Variants in BSG observed in about 807,000 individuals in gnomAD.
The protein encoded by BSG is basigin (Ok blood group).
In BSG, 37 loss-of-function variants were observed where a neutral mutation model predicts 43.1. That is an observed-to-expected ratio of 0.86 (90% confidence interval 0.66 to 1.13). BSG has a LOEUF of 1.13. Ranked by LOEUF, BSG falls within the 50% of genes most tolerant of loss-of-function variation. BSG has a pLI of 0.00. For missense variants in BSG, 599 were observed against 554.2 expected (o/e 1.08, Z -0.81); for synonymous variants, 309 against 238.7 (o/e 1.29, Z -2.72).
At chr19:574,407 G>C (rs912547808) in intron 1 of BSG, among the ~76,000 whole-genome samples, 2 of 152,158 alleles carry the variant, frequency 1.3e-5, no homozygotes, top group African/African-American at 4.8e-5. Flanking sequence ...CAAAAAATTA[G>C]CCTGGCGTGG....
Position 581,332 on chromosome 19 carries a change from C to G in BSG, c.810C>G (p.Ser270=), listed in dbSNP as rs183571823. The G allele has an allele frequency of 8.6e-4, 1,379 of 1,612,426 alleles. 23 individuals are homozygous for G. In the South Asian group the frequency reaches 0.014, roughly 17 times the overall value. ...DSEDKALMNG[S]ESRFFVSSSQ... is the part of the protein sequence containing the mutation. ...TCCCCTAGGCCCTCATGAACGGCTC[C>G]GAGAGCAGGTTCTTCGTGAGTTCCT... The change falls in exon 6 of 9, where the codon TCC becomes TCG. Residue 270 remains serine, a synonymous_variant. Transcript: ENST00000333511.
intron 5 of BSG, 53 bp from the exon 6 acceptor site, chr19:581,262 T>G: frequency 6.4e-7 from 1 of 1,561,692 alleles, no homozygotes; most frequent in Non-Finnish European, 8.7e-7. Flanking sequence ...CAGGACTGGG[T>G]GAGGGGCCTA....
intron 7 of BSG, 42 bp downstream of exon 7, chr19:582,372 C>T: frequency 3.8e-6 from 6 of 1,596,562 alleles, no homozygotes; most frequent in Non-Finnish European, 5.1e-6. Context: ...AAGGAGCGGC[C>T]TGCTGCCCCA....
At chr19:571,469 T>TC, upstream of BSG, 1 of 774,392 alleles carries the variant, frequency 1.3e-6, no homozygotes, top group East Asian at 2.4e-5. Context: ...CAAGGGTCCT[T>TC]CCTACCCGCG....
chr19:581,786 G>T (rs376756373), intron 6 of BSG, among the ~76,000 whole-genome samples, 195 bp downstream of exon 6: 1 of 152,368 alleles, frequency 6.6e-6, no homozygotes, highest in South Asian at 2.1e-4. Flanking sequence ...AGTGGGCAGC[G>T]GGACCCCGGG....
rs150632995 is a variant in BSG, at chr19:581,549, T to G, written c.1027T>G (p.Phe343Val). The G allele has an allele frequency of 1.9e-6, 3 of 1,599,750 alleles. No individual in the cohort carries two copies. Among genetic ancestry groups the G allele is most frequent in the African/African-American group, 1.3e-5 (1 of 74,754 alleles). The change falls in exon 6 of 9, where the codon TTC (phenylalanine) becomes GTC (valine). Residue 343 changes from phenylalanine to valine, a missense_variant. Physicochemically the swap from Phe to Val is conservative, Grantham distance 50. Coordinates refer to ENST00000333511, the MANE Select transcript of BSG (RefSeq NM_001728.4). ...GGTGCTGGTGCTGGTCACCATCATC[T>G]TCATCTACGAGAAGCGCCGGAAGCC... Reference protein sequence around the residue: ...AEVLVLVTIIFIYEKRRKPED... With the variant: ...AEVLVLVTIIVIYEKRRKPED...
At chr19:579,687 TG>T in intron 3 of BSG, 31 bp downstream of exon 3, 1 of 1,579,510 alleles carries the variant, frequency 6.3e-7, no homozygotes, top group Non-Finnish European at 8.6e-7. Flanking sequence ...TGCCGCCACC[TG>T]CCCCTTCTCA....
chr19:577,250 C>T (rs1981858913), intron 1 of BSG, among the ~76,000 whole-genome samples: 1 of 86,600 alleles, frequency 1.2e-5, no homozygotes. Context: ...AAATCCGCCT[C>T]TCTCTGGGTC....
chr19:576,466 A>C (rs72972182), intron 1 of BSG, among the ~76,000 whole-genome samples: 8,809 of 152,264 alleles, frequency 0.058, 398 homozygotes, highest in Admixed American at 0.13. Context: ...TCCCTTTGTG[A>C]AAATGGCACT....
chr19:578,769 G>T, intron 2 of BSG: 1 of 289,526 alleles, frequency 3.5e-6, no homozygotes, highest in Non-Finnish European at 6.8e-6. Context: ...GAGTCTTGCT[G>T]TTCCCAGGTG....
At chr19:582,166 G>C in intron 6 of BSG, 140 bp from the exon 7 acceptor site, 1 of 1,086,058 alleles carries the variant, frequency 9.2e-7, no homozygotes, top group Non-Finnish European at 1.3e-6. Context: ...GGCCGGGGCT[G>C]ATGAGCTGCC....
chr19:579,844 C>T, intron 3 of BSG, 188 bp downstream of exon 3: 1 of 847,828 alleles, frequency 1.2e-6, no homozygotes, highest in South Asian at 2.0e-5. Context: ...CCTTGTGAGG[C>T]AGGGGGCTCC....
intron 1 of BSG, among the ~76,000 whole-genome samples, chr19:576,148 G>C (rs529166895): frequency 6.6e-6 from 1 of 152,254 alleles, no homozygotes; most frequent in Non-Finnish European, 1.5e-5. Flanking sequence ...GCTGGGGGCA[G>C]CTCGGCTGCG....
rs1385839426 is a variant in BSG, at chr19:572,607, G to A, written c.-28G>A. ...CGGGCGGCGGCGGCAGCGGTTGGAGGTTGTAGGACCGGCGAGGAATAGGAA... is the reference window on the plus strand; with the variant it reads ...CGGGCGGCGGCGGCAGCGGTTGGAGATTGTAGGACCGGCGAGGAATAGGAA... On this transcript the variant is annotated 5_prime_UTR_variant, in exon 1 of 9. Coordinates refer to ENST00000333511, the MANE Select transcript of BSG (RefSeq NM_001728.4). The A allele has an allele frequency of 4.7e-6, 7 of 1,481,942 alleles. No individual in the cohort carries two copies. Among genetic ancestry groups the A allele is most frequent in the African/African-American group, 2.9e-5 (2 of 68,880 alleles). The allele number at this position is 1,481,942 out of a possible 1,614,324, so 91.8% of individuals were successfully genotyped here.
At chr19:574,091 C>A (rs932511312) in intron 1 of BSG, among the ~76,000 whole-genome samples, 1 of 151,216 alleles carries the variant, frequency 6.6e-6, no homozygotes, top group Admixed American at 6.6e-5. Context: ...CCCATCTCTA[C>A]TAAAAATACA....
intron 6 of BSG, 152 bp from the exon 7 acceptor site, chr19:582,154 G>A (rs556218809): frequency 8.8e-6 from 8 of 906,344 alleles, no homozygotes; most frequent in Middle Eastern, 2.6e-4. Context: ...GAAGATGCAC[G>A]TGGCCGGGGC....
At position 578,299 on chromosome 19, in the gene BSG, A is replaced by T. The variant is rs554394835; in HGVS notation, c.415+178A>T. 7 of 598,412 alleles carry T rather than the reference A, an allele frequency of 1.2e-5. No individual in the cohort carries two copies. The East Asian group carries it at 2.3e-4, about 20-fold the overall frequency. The allele number at this position is 598,412 out of a possible 1,614,324, so 37.1% of individuals were successfully genotyped here. Reference sequence around the variant, plus strand: ...CTGAAGGGGGTGGGCTCGCCGCCTGACCACCAGCGCTGGGCGGCCTGGCTC... The same window carrying T: ...CTGAAGGGGGTGGGCTCGCCGCCTGTCCACCAGCGCTGGGCGGCCTGGCTC... On this transcript the variant is annotated intron_variant, in intron 2 of 8. Coordinates refer to ENST00000333511, the MANE Select transcript of BSG (RefSeq NM_001728.4).
chr19:577,202 T>G (rs1600484991), intron 1 of BSG, among the ~76,000 whole-genome samples: 1 of 151,900 alleles, frequency 6.6e-6, no homozygotes, highest in Non-Finnish European at 1.5e-5. Context: ...TGGCTGGAGG[T>G]GAGAGGCCCT....
At chr19:578,284 T>C in intron 2 of BSG, 163 bp downstream of exon 2, 1 of 707,882 alleles carries the variant, frequency 1.4e-6, no homozygotes. Flanking sequence ...CTGAAGGGGG[T>C]GGGCTCGCCG....
Sources: allele counts gnomAD v4.1 joint callset (sites outside exome capture counted in the v4.1 genomes callset), GRCh38; gene constraint gnomAD v4.1.1; transcripts MANE v1.5; gene names NCBI Gene and HGNC (gene_info 2026-07-23, HGNC 2026-07-21).